The following PALB2 variants were observed in gnomAD, a reference collection of about 807,000 sequenced individuals.
PALB2 encodes mutant partner and localizer of BRCA2.
A neutral mutation model predicts 107.4 loss-of-function variants in PALB2; 82 were observed. That is an observed-to-expected ratio of 0.76 (90% CI 0.64 to 0.92). The LOEUF (loss-of-function observed/expected upper bound fraction) is 0.92. Ranked by LOEUF, PALB2 falls within the 40% of genes least tolerant of loss-of-function variation. The pLI, the probability that PALB2 is intolerant of heterozygous loss-of-function variation, is 0.00. For synonymous variants in PALB2, 489 were observed against 496.8 expected, an observed-to-expected ratio of 0.98 and a Z score of 0.21; for missense variants, 1,374 against 1,379.9, an observed-to-expected ratio of 1.00 and a Z score of 0.07.
intron 9 of PALB2, among the ~76,000 whole-genome samples, chr16:23,622,254 G>T (rs1174302580): frequency 2.0e-5 from 3 of 152,200 alleles, no homozygotes; most frequent in African/African-American, 7.2e-5. Context: ...TAGAGCTCAA[G>T]AAAGAGCTCA....
In PALB2 at chr16:23,641,235, C is replaced by T. The variant is rs1317552277; in HGVS notation, c.-78G>A. On this transcript the variant is annotated 5_prime_UTR_variant, in exon 1 of 13. Transcript: ENST00000261584. The stretch of plus-strand genomic sequence containing the variant: ...ACACCGGGACCCAGTTGGCCCTGGG[C>T]CGGGGAGGCGCCCCAGGAAGGAATG... 11 of 1,552,992 alleles carry T rather than the reference C, an allele frequency of 7.1e-6. No homozygotes were observed. The Admixed American group carries it at 1.7e-4, about 24-fold the overall frequency.
chr16:23,629,168 A>G lies in PALB2; in HGVS notation c.2586+36T>C, dbSNP rs548737230. 3.1e-5 allele frequency: 47 copies of G among 1,527,028 alleles called. No homozygotes were observed. In the Admixed American group the frequency reaches 5.7e-4, roughly 18 times the overall value. 94.6% of individuals were successfully genotyped at this position (1,527,028 alleles called of 1,614,324 possible). On this transcript the variant is annotated intron_variant, in intron 6 of 12. Coordinates refer to ENST00000261584, the MANE Select transcript of PALB2 (RefSeq NM_024675.4). The stretch of plus-strand genomic sequence containing the variant: ...TCAGTTCATTAAAGTTTTCATATGT[A>G]AGACACGAGACACTGGAAGAGAATA...
At position 23,636,343 on chromosome 16, in the gene PALB2, G is replaced by A. The variant is rs1555461884; in HGVS notation, c.212-9C>T. 3 of 1,545,824 alleles carry A rather than the reference G, an allele frequency of 1.9e-6. No homozygotes were observed. Among genetic ancestry groups the A allele is most frequent in the Non-Finnish European group, 2.6e-6 (3 of 1,139,640 alleles). On this transcript the variant is annotated splice_polypyrimidine_tract_variant and intron_variant, in intron 3 of 12. Coordinates refer to ENST00000261584, the MANE Select transcript of PALB2 (RefSeq NM_024675.4). Reference sequence around the variant, plus strand: ...TATTTTATTTTTAGGTTCTGAGGAGGAAAAAAATGTATATAACTTATATTT... The same window carrying A: ...TATTTTATTTTTAGGTTCTGAGGAGAAAAAAAATGTATATAACTTATATTT...
At position 23,614,795 on chromosome 16, in the gene PALB2, C is replaced by T. The variant is rs868076083; in HGVS notation, c.3114-704G>A. Among the ~76,000 whole-genome samples, 25 of 149,140 alleles carry T rather than the reference C, an allele frequency of 1.7e-4. No homozygotes were observed. The South Asian group carries it at 4.9e-3, about 29-fold the overall frequency. Reference sequence around the variant, plus strand: ...CCTCCCGAGTAGCTGGGACTACAGGCGCCCGCCACTACGCCCGGCTAATTT... The same window carrying T: ...CCTCCCGAGTAGCTGGGACTACAGGTGCCCGCCACTACGCCCGGCTAATTT... On this transcript the variant is annotated intron_variant, in intron 10 of 12. Coordinates refer to ENST00000261584, the MANE Select transcript of PALB2 (RefSeq NM_024675.4).
intron 3 of PALB2, among the ~76,000 whole-genome samples, chr16:23,636,690 G>A (rs1967071035): frequency 6.6e-6 from 1 of 152,090 alleles, no homozygotes. Flanking sequence ...AAACAGCATT[G>A]TGCTAAAAAT....
intron 11 of PALB2, among the ~76,000 whole-genome samples, chr16:23,612,026 G>T (rs1038297343): frequency 6.6e-6 from 1 of 152,176 alleles, no homozygotes; most frequent in Non-Finnish European, 1.5e-5. Context: ...AGGGAAAGAT[G>T]CGGTCTTTGT....
chr16:23,630,642 T>C (rs536419854), intron 4 of PALB2, among the ~76,000 whole-genome samples, 173 bp from the exon 5 acceptor site: 1 of 152,208 alleles, frequency 6.6e-6, no homozygotes, highest in Admixed American at 6.5e-5. Context: ...CAAAGAAACA[T>C]GTTAAACCAT....
At chr16:23,608,993 A>G (rs1966534615) in intron 11 of PALB2, among the ~76,000 whole-genome samples, 1 of 151,778 alleles carries the variant, frequency 6.6e-6, no homozygotes, top group South Asian at 2.1e-4. Flanking sequence ...ATGCCTGGCT[A>G]ATTTTTGTAT....
chr16:23,625,772 TG>T (rs1238256095), intron 7 of PALB2, among the ~76,000 whole-genome samples: 2 of 152,028 alleles, frequency 1.3e-5, no homozygotes, highest in Non-Finnish European at 2.9e-5. Flanking sequence ...CACTCCAGCC[TG>T]GGTGACAGAG....
At chr16:23,633,249 C>T (rs865981488) in intron 4 of PALB2, among the ~76,000 whole-genome samples, 5 of 152,328 alleles carry the variant, frequency 3.3e-5, no homozygotes, top group Middle Eastern at 6.8e-3. Context: ...TAGACCAAGT[C>T]CATGTCCAAT....
chr16:23,609,380 G>A (rs1966542671), intron 11 of PALB2, among the ~76,000 whole-genome samples: 1 of 152,116 alleles, frequency 6.6e-6, no homozygotes, highest in African/African-American at 2.4e-5. Context: ...AGCTATGATG[G>A]TGCCACTGAT....
chr16:23,638,154 T>A (rs1173950728), intron 1 of PALB2, 25 bp from the exon 2 acceptor site: 1 of 1,598,516 alleles, frequency 6.3e-7, no homozygotes, highest in South Asian at 1.1e-5. Context: ...ACACCAACAA[T>A]ACTGGGCAAG....
intron 1 of PALB2, chr16:23,640,697 A>C (rs1197550294): frequency 3.9e-6 from 1 of 256,964 alleles, no homozygotes; most frequent in Non-Finnish European, 7.5e-6. Flanking sequence ...AAATATACAT[A>C]GGATTCCTTT....
chr16:23,639,899 TGA>T (rs1416604764), intron 1 of PALB2, among the ~76,000 whole-genome samples: 1 of 152,120 alleles, frequency 6.6e-6, no homozygotes, highest in Non-Finnish European at 1.5e-5. Context: ...TCTTTTTTTT[TGA>T]GAGACAGTCT....
At chr16:23,638,739 A>G (rs1403373196) in intron 1 of PALB2, 1 of 347,942 alleles carries the variant, frequency 2.9e-6, no homozygotes, top group Admixed American at 3.8e-5. Flanking sequence ...ACAGATAAAC[A>G]GAGTGATATG....
At chr16:23,626,532 G>T in intron 6 of PALB2, 135 bp from the exon 7 acceptor site, 1 of 991,942 alleles carries the variant, frequency 1.0e-6, no homozygotes, top group Non-Finnish European at 1.5e-6. Context: ...CAGGTGAAAA[G>T]AAAGAGCTTT....
chr16:23,612,327 T>C (rs1269818161), intron 11 of PALB2, among the ~76,000 whole-genome samples: 1 of 151,224 alleles, frequency 6.6e-6, no homozygotes, highest in Non-Finnish European at 1.5e-5. Context: ...AAGCAATTCT[T>C]CCTGCCTCAG....
chr16:23,631,503 A>C (rs996722409), intron 4 of PALB2, among the ~76,000 whole-genome samples: 6 of 151,944 alleles, frequency 3.9e-5, no homozygotes, highest in Non-Finnish European at 5.9e-5. Context: ...CAAACCAAAC[A>C]AAACAGTGTA....
chr16:23,604,245 G>A (rs1966421680), intron 12 of PALB2, among the ~76,000 whole-genome samples: 1 of 152,194 alleles, frequency 6.6e-6, no homozygotes, highest in Non-Finnish European at 1.5e-5. Flanking sequence ...AAACCTACCT[G>A]GTTGCCTTTT....
Sources: allele counts gnomAD v4.1 joint callset (sites outside exome capture counted in the v4.1 genomes callset), GRCh38; gene constraint gnomAD v4.1.1; transcripts MANE v1.5; gene names NCBI Gene and HGNC (gene_info 2026-07-23, HGNC 2026-07-21).